CHSY3: variants seen among roughly 807,000 people sequenced by gnomAD.
The protein encoded by CHSY3 is N-acetylgalactosaminyl-proteoglycan 3-beta-glucuronosyltransferase 3.
A neutral mutation model predicts 67.2 loss-of-function variants in CHSY3; 35 were observed. The ratio of observed to expected loss-of-function variants is 0.52; its 90% CI spans 0.40 to 0.69. The LOEUF is 0.69. CHSY3 is among the 30% of genes least tolerant of loss of function. The pLI is 0.00. For synonymous variants in CHSY3, 474 were observed against 434.7 expected, an observed-to-expected ratio of 1.09 and a Z score of -1.12; for missense variants, 1,069 against 1,138.5, an observed-to-expected ratio of 0.94 and a Z score of 0.88.
chr5:130,178,278 C>T (rs1406325749), intron 2 of CHSY3, among the ~76,000 whole-genome samples: 2 of 85,144 alleles, frequency 2.3e-5, no homozygotes, highest in Admixed American at 1.7e-4. Flanking sequence ...TTTCCTGAGA[C>T]GGAGTCTCAC....
At position 130,005,645 on chromosome 5, in the gene CHSY3, C is replaced by T. The variant is rs76653809; in HGVS notation, c.1086+97285C>T. On this transcript the variant is annotated intron_variant, in intron 2 of 2. Transcript: ENST00000305031. The stretch of plus-strand genomic sequence containing the variant: ...TTGCATTTTAAATCTGTGGGTGATT[C>T]CAGTAGGATGTCAAATTAAAGTACT... 4.7e-3 allele frequency among the ~76,000 whole-genome samples: 713 copies of T among 152,050 alleles called. 10 individuals carry two copies. Among genetic ancestry groups the T allele is most frequent in the African/African-American group, 0.016 (676 of 41,492 alleles).
In CHSY3 at chr5:130,178,223, ATATT is replaced by A. The variant is rs1476068443; in HGVS notation, c.1087-6002_1087-5999del. On this transcript the variant is annotated intron_variant, in intron 2 of 2. Coordinates refer to ENST00000305031, the MANE Select transcript of CHSY3 (RefSeq NM_175856.5). ...TATTTATATATATATGTATATATTTATATTTATATATATATATATATATATATAT... is the reference window on the plus strand; with the variant it reads ...TATTTATATATATATGTATATATTTATATATATATATATATATATATATAT... Among the ~76,000 whole-genome samples the A allele has an allele frequency of 9.0e-4, 68 of 75,700 alleles. 1 individual carries two copies. Among genetic ancestry groups the A allele is most frequent in the African/African-American group, 3.3e-3 (62 of 18,704 alleles). 49.7% of individuals were successfully genotyped at this position (75,700 alleles called of 152,430 possible).
At chr5:130,096,505 A>G (rs569499710) in intron 2 of CHSY3, among the ~76,000 whole-genome samples, 1 of 152,328 alleles carries the variant, frequency 6.6e-6, no homozygotes, top group South Asian at 2.1e-4. Flanking sequence ...CTTAGTTTTG[A>G]TAAATCTTCC....
intron 2 of CHSY3, among the ~76,000 whole-genome samples, chr5:130,050,206 T>C (rs1052908682): frequency 1.3e-5 from 2 of 152,138 alleles, no homozygotes; most frequent in African/African-American, 4.8e-5. Context: ...TCTGTTCTGG[T>C]GTTATAAAAA....
intron 2 of CHSY3, among the ~76,000 whole-genome samples, chr5:129,943,814 A>ACTC (rs1294972476): frequency 6.6e-6 from 1 of 152,240 alleles, no homozygotes; most frequent in Non-Finnish European, 1.5e-5. Flanking sequence ...TATAATGATG[A>ACTC]GCATTTACAG....
At chr5:130,162,277 T>C (rs1180179944) in intron 2 of CHSY3, among the ~76,000 whole-genome samples, 1 of 152,078 alleles carries the variant, frequency 6.6e-6, no homozygotes, top group Non-Finnish European at 1.5e-5. Context: ...GTATGATATA[T>C]AAATATATTT....
Position 130,163,770 on chromosome 5 carries a change from G to C in CHSY3, c.1087-20459G>C, listed in dbSNP as rs140827577. On this transcript the variant is annotated intron_variant, in intron 2 of 2. Transcript: ENST00000305031. ...TAAGCTAGCTAACTAACATATAAATGTCTAATTGATAGAGGAATAAATTAG... is the reference window on the plus strand; with the variant it reads ...TAAGCTAGCTAACTAACATATAAATCTCTAATTGATAGAGGAATAAATTAG... Among the ~76,000 whole-genome samples the C allele has an allele frequency of 4.1e-3, 623 of 151,932 alleles. 8 individuals are homozygous for C. Among genetic ancestry groups the C allele is most frequent in the South Asian group, 0.036 (172 of 4,808 alleles).
intron 2 of CHSY3, among the ~76,000 whole-genome samples, chr5:130,116,726 C>A (rs1199343693): frequency 3.3e-5 from 5 of 152,148 alleles, no homozygotes; most frequent in African/African-American, 1.2e-4. Context: ...CACAGAAATG[C>A]GGACCTGAAG....
chr5:130,002,530 G>A (rs79393836), intron 2 of CHSY3, among the ~76,000 whole-genome samples: 2,421 of 152,118 alleles, frequency 0.016, 50 homozygotes, highest in African/African-American at 0.054. Flanking sequence ...CCCCATCCTG[G>A]CTAGCTTATT....
intron 2 of CHSY3, among the ~76,000 whole-genome samples, chr5:130,182,849 T>C (rs529542551): frequency 8.5e-5 from 13 of 152,224 alleles, no homozygotes; most frequent in Non-Finnish European, 1.9e-4. Flanking sequence ...TTATGCTTCT[T>C]GCAATATGTC....
intron 2 of CHSY3, among the ~76,000 whole-genome samples, chr5:130,153,534 A>G (rs1250588994): frequency 2.0e-5 from 3 of 151,958 alleles, no homozygotes; most frequent in Non-Finnish European, 2.9e-5. Context: ...ATAATCCCCA[A>G]TCTGGGAAGC....
chr5:129,977,861 T>C (rs909838128), intron 2 of CHSY3, among the ~76,000 whole-genome samples: 4 of 112,028 alleles, frequency 3.6e-5, no homozygotes, highest in South Asian at 3.0e-4. Flanking sequence ...ATTATAAATA[T>C]AAGAAGTAAA....
At chr5:129,988,053 T>A (rs4327625) in intron 2 of CHSY3, among the ~76,000 whole-genome samples, 1 of 151,974 alleles carries the variant, frequency 6.6e-6, no homozygotes, top group Non-Finnish European at 1.5e-5. Flanking sequence ...CCAAGAAATG[T>A]GATAAAATGA....
At chr5:130,122,170 TATAC>T (rs1768055593) in intron 2 of CHSY3, among the ~76,000 whole-genome samples, 1 of 151,302 alleles carries the variant, frequency 6.6e-6, no homozygotes, top group Admixed American at 6.6e-5. Flanking sequence ...TATATACATA[TATAC>T]ATACATACAT....
chr5:130,185,686 G>A lies in CHSY3; in HGVS notation c.2544G>A (p.Lys848=), dbSNP rs1219977282. ...CTAACTTGGACCCTAAGCAGTATAAGATGTGCTTAGGATCCAAGGCAAGTA... is the reference window on the plus strand; with the variant it reads ...CTAACTTGGACCCTAAGCAGTATAAAATGTGCTTAGGATCCAAGGCAAGTA... The part of the protein sequence containing the change: ...CDPNLDPKQY[K]MCLGSKASTF... Residue 848 remains lysine (K), a synonymous_variant, in exon 3 of 3, where the codon AAG becomes AAA. Transcript: ENST00000305031. 6.2e-7 allele frequency: 1 copy of A among 1,613,852 alleles called. No individual in the cohort carries two copies. Among genetic ancestry groups the A allele is most frequent in the African/African-American group, 1.3e-5 (1 of 74,890 alleles).
intron 2 of CHSY3, among the ~76,000 whole-genome samples, chr5:129,941,063 A>T (rs1054477334): frequency 6.6e-6 from 1 of 152,158 alleles, no homozygotes; most frequent in Non-Finnish European, 1.5e-5. Context: ...TACAAAAAAA[A>T]TACAAAAATT....
intron 2 of CHSY3, among the ~76,000 whole-genome samples, chr5:129,965,098 G>A (rs1762434016): frequency 6.6e-6 from 1 of 151,922 alleles, no homozygotes; most frequent in Admixed American, 6.6e-5. Context: ...TGAGGATTTG[G>A]ATTCACGAGT....
chr5:129,964,437 G>C (rs1580589364), intron 2 of CHSY3, among the ~76,000 whole-genome samples: 2 of 151,798 alleles, frequency 1.3e-5, no homozygotes, highest in African/African-American at 4.8e-5. Flanking sequence ...CTCCAGTAAA[G>C]AGAAGAAGGT....
At chr5:130,059,669 T>C (rs1309999626) in intron 2 of CHSY3, among the ~76,000 whole-genome samples, 2 of 152,132 alleles carry the variant, frequency 1.3e-5, no homozygotes, top group East Asian at 3.9e-4. Flanking sequence ...TAAATATCTT[T>C]GGGGTGGGTG....
Sources: allele counts gnomAD v4.1 joint callset (sites outside exome capture counted in the v4.1 genomes callset), GRCh38; gene constraint gnomAD v4.1.1; transcripts MANE v1.5; gene names NCBI Gene and HGNC (gene_info 2026-07-23, HGNC 2026-07-21).